Variants in APBB1IP observed in about 807,000 individuals in gnomAD.
APBB1IP encodes the protein amyloid beta A4 precursor protein-binding family B member 1-interacting protein.
Under a neutral mutation model 64.9 loss-of-function variants are expected in APBB1IP, and 27 were observed. The observed-to-expected ratio is 0.42, with a 90% CI of 0.31 to 0.57. The LOEUF is 0.57. Among genes scored for constraint, APBB1IP ranks in the 20% least tolerant of loss-of-function variants. The pLI, the probability that APBB1IP is intolerant of heterozygous loss-of-function variation, is 0.20. For synonymous variants in APBB1IP, 392 were observed against 331.0 expected (o/e 1.18, Z -2.00); for missense variants, 812 against 845.5 (o/e 0.96, Z 0.49).
intron 11 of APBB1IP, among the ~76,000 whole-genome samples, chr10:26,558,369 G>A (rs1836920983): frequency 6.6e-6 from 1 of 152,110 alleles, no homozygotes; most frequent in Non-Finnish European, 1.5e-5. Context: ...CTGACATCTG[G>A]ACTGGAATAC....
At chr10:26,497,009 A>C (rs1445379063) in intron 4 of APBB1IP, among the ~76,000 whole-genome samples, 1 of 151,844 alleles carries the variant, frequency 6.6e-6, no homozygotes, top group Non-Finnish European at 1.5e-5. Context: ...ACAACATGGC[A>C]AGACCCCATC....
intron 2 of APBB1IP, among the ~76,000 whole-genome samples, chr10:26,455,657 TG>T (rs1835516458): frequency 2.0e-5 from 3 of 152,154 alleles, no homozygotes; most frequent in African/African-American, 7.2e-5. Context: ...ACACTATGTC[TG>T]CTGATTCAGC....
intron 5 of APBB1IP, chr10:26,501,975 A>G (rs1385750517): frequency 1.3e-5 from 2 of 152,230 alleles, no homozygotes; most frequent in African/African-American, 4.8e-5. Flanking sequence ...TAGAAAATTT[A>G]TGTGAAAATG....
chr10:26,485,365 C>T (rs1220564759), intron 2 of APBB1IP, among the ~76,000 whole-genome samples: 2 of 152,176 alleles, frequency 1.3e-5, no homozygotes, highest in African/African-American at 4.8e-5. Context: ...TGTAGCCAGT[C>T]AAGTGAGAGA....
chr10:26,554,623 C>G (rs1160822654), intron 11 of APBB1IP, among the ~76,000 whole-genome samples: 1 of 152,130 alleles, frequency 6.6e-6, no homozygotes, highest in African/African-American at 2.4e-5. Context: ...CACTCTGTTG[C>G]TCAGGCTGAG....
intron 2 of APBB1IP, among the ~76,000 whole-genome samples, chr10:26,474,761 G>C (rs1835756692): frequency 6.6e-6 from 1 of 152,232 alleles, no homozygotes; most frequent in Non-Finnish European, 1.5e-5. Flanking sequence ...TGGAAGGAGA[G>C]AAAAGATTAA....
chr10:26,538,443 C>A (rs968627098), intron 10 of APBB1IP, among the ~76,000 whole-genome samples: 1 of 151,812 alleles, frequency 6.6e-6, no homozygotes, highest in Non-Finnish European at 1.5e-5. Context: ...GAGTTTGAGA[C>A]CAGCCTGTCC....
chr10:26,512,595 T>G (rs1404129016), intron 7 of APBB1IP, among the ~76,000 whole-genome samples: 3 of 152,116 alleles, frequency 2.0e-5, no homozygotes, highest in Non-Finnish European at 4.4e-5. Flanking sequence ...AGATATACTG[T>G]TACTTATTCT....
intron 12 of APBB1IP, 88 bp downstream of exon 12, chr10:26,560,291 C>A: frequency 2.4e-6 from 3 of 1,240,960 alleles, no homozygotes; most frequent in Non-Finnish European, 3.5e-6. Flanking sequence ...TGTGAAACAG[C>A]TGGCCCACCC....
intron 2 of APBB1IP, among the ~76,000 whole-genome samples, chr10:26,449,981 G>A (rs1441326898): frequency 2.0e-5 from 3 of 152,048 alleles, no homozygotes; most frequent in Non-Finnish European, 4.4e-5. Context: ...ACTCCAACCT[G>A]GGTGACAGAG....
At chr10:26,485,934 A>G (rs1370020107) in intron 2 of APBB1IP, among the ~76,000 whole-genome samples, 1 of 152,182 alleles carries the variant, frequency 6.6e-6, no homozygotes, top group Non-Finnish European at 1.5e-5. Context: ...TTCAGAAAAC[A>G]TCAAGGGTCC....
rs552075736 is a variant in APBB1IP, at chr10:26,521,253, T to G, written c.813+7593T>G. On this transcript the variant is annotated intron_variant, in intron 8 of 14. Coordinates refer to ENST00000376236, the MANE Select transcript of APBB1IP (RefSeq NM_019043.4). The stretch of plus-strand genomic sequence containing the variant: ...ACCATCATTGGTTCTCCAGAGCCAC[T>G]GCTGAAATCTGAGTGCACAGACACT... Among the ~76,000 whole-genome samples the G allele has an allele frequency of 4.1e-4, 62 of 152,314 alleles. 1 individual carries two copies. Among genetic ancestry groups the G allele is most frequent in the Non-Finnish European group, 6.6e-4 (45 of 68,028 alleles).
intron 14 of APBB1IP, among the ~76,000 whole-genome samples, chr10:26,564,821 A>T (rs942139662): frequency 8.5e-5 from 13 of 152,124 alleles, no homozygotes; most frequent in Non-Finnish European, 1.8e-4. Context: ...AAAAATAAAA[A>T]TAAAAATAAA....
At chr10:26,522,967 G>A (rs1307519051) in intron 8 of APBB1IP, among the ~76,000 whole-genome samples, 2 of 136,304 alleles carry the variant, frequency 1.5e-5, no homozygotes, top group Non-Finnish European at 1.5e-5. Flanking sequence ...TCGTGCCATT[G>A]CACTCCAGCC....
chr10:26,440,024 C>T (rs1388954291), intron 2 of APBB1IP, among the ~76,000 whole-genome samples: 1 of 152,180 alleles, frequency 6.6e-6, no homozygotes, highest in African/African-American at 2.4e-5. Context: ...GTGGTATTTC[C>T]TGTCTGCTCA....
chr10:26,470,758 A>G (rs1006071082), intron 2 of APBB1IP, among the ~76,000 whole-genome samples: 1 of 152,152 alleles, frequency 6.6e-6, no homozygotes, highest in Non-Finnish European at 1.5e-5. Context: ...TATGCCACGC[A>G]ATAGTCAACG....
chr10:26,473,772 TG>T (rs1186499481), intron 2 of APBB1IP, among the ~76,000 whole-genome samples: 2 of 151,994 alleles, frequency 1.3e-5, no homozygotes, highest in African/African-American at 2.4e-5. Context: ...GAGGCCGAGG[TG>T]GGCAGATCAC....
chr10:26,534,947 G>A (rs1214381892), intron 9 of APBB1IP, among the ~76,000 whole-genome samples: 3 of 152,164 alleles, frequency 2.0e-5, no homozygotes, highest in Admixed American at 6.5e-5. Flanking sequence ...ATTGGGGAGT[G>A]TAAACAGAAA....
rs536537331 is a variant in APBB1IP at position 26,499,767 on chromosome 10, C to T, written c.161-1052C>T. The stretch of plus-strand genomic sequence containing the variant: ...TGGAAGAAATCCTAAGGAGATCTCT[C>T]CTCCCTCCCTCTCACTCTGAAAATT... On this transcript the variant is annotated intron_variant, in intron 4 of 14. Transcript: ENST00000376236. Among the ~76,000 whole-genome samples the T allele has an allele frequency of 1.1e-4, 16 of 152,280 alleles. 1 individual carries two copies. Among genetic ancestry groups the T allele is most frequent in the Admixed American group, 2.0e-4 (3 of 15,296 alleles).
Sources: allele counts gnomAD v4.1 joint callset (sites outside exome capture counted in the v4.1 genomes callset), GRCh38; gene constraint gnomAD v4.1.1; transcripts MANE v1.5; gene names NCBI Gene and HGNC (gene_info 2026-07-23, HGNC 2026-07-21).